HOOK1: variants seen among roughly 807,000 people sequenced by gnomAD.
HOOK1 encodes hook microtubule tethering protein 1.
Under a neutral mutation model 112.8 loss-of-function variants are expected in HOOK1, and 60 were observed. The observed-to-expected ratio is 0.53, with a 90% CI of 0.43 to 0.66. The LOEUF (loss-of-function observed/expected upper bound fraction) is 0.66. Ranked by LOEUF, HOOK1 falls within the 30% of genes least tolerant of loss-of-function variation. The pLI, the probability that HOOK1 is intolerant of heterozygous loss-of-function variation, is 0.00. For synonymous variants in HOOK1, 294 were observed against 283.8 expected, an observed-to-expected ratio of 1.04 and a Z score of -0.36; for missense variants, 770 against 856.0, an observed-to-expected ratio of 0.90 and a Z score of 1.25.
intron 8 of HOOK1, 75 bp from the exon 9 acceptor site, chr1:59,843,357 T>C: frequency 9.5e-7 from 1 of 1,054,282 alleles, no homozygotes; most frequent in Non-Finnish European, 1.4e-6. Context: ...AATCCAGAAC[T>C]CTAGACTCTA....
intron 16 of HOOK1, 41 bp from the exon 17 acceptor site, chr1:59,864,591 C>G (rs1359866565): frequency 7.6e-7 from 1 of 1,318,532 alleles, no homozygotes; most frequent in Admixed American, 1.8e-5. Flanking sequence ...TGACCTTTGT[C>G]AAGATAGTCA....
In HOOK1 at chr1:59,855,966, T is replaced by TATA. The variant is rs1553464155; in HGVS notation, c.1243-2462_1243-2461insATA. 6.9e-3 allele frequency among the ~76,000 whole-genome samples: 490 copies of TATA among 71,086 alleles called. 18 individuals carry two copies. Among genetic ancestry groups the TATA allele is most frequent in the African/African-American group, 0.025 (370 of 14,916 alleles). 46.6% of individuals were successfully genotyped at this position (71,086 alleles called of 152,430 possible). A position where few individuals can be genotyped will look rare whatever the true frequency, so the allele number is the denominator to read the frequency against. On this transcript the variant is annotated intron_variant, in intron 12 of 21. Transcript: ENST00000371208. ...TTTATATATATATATATATAAATTA[T>TATA]TATATATATATATATATATTTTTTT...
chr1:59,836,195 A>G (rs897387172), intron 6 of HOOK1, among the ~76,000 whole-genome samples: 6 of 152,140 alleles, frequency 3.9e-5, no homozygotes, highest in Non-Finnish European at 7.3e-5. Flanking sequence ...GATTAAAGCT[A>G]GTCTAGTTAT....
chr1:59,870,799 A>C (rs999373090), intron 20 of HOOK1: 1 of 375,336 alleles, frequency 2.7e-6, no homozygotes, highest in African/African-American at 2.1e-5. Context: ...ATGTATGTTT[A>C]AATCATTCTC....
At chr1:59,849,283 C>A in intron 12 of HOOK1, 100 bp downstream of exon 12, 1 of 621,886 alleles carries the variant, frequency 1.6e-6, no homozygotes, top group Non-Finnish European at 2.6e-6. Context: ...CCAGTTCTCT[C>A]TTCCTCCAGA....
intron 15 of HOOK1, among the ~76,000 whole-genome samples, chr1:59,861,869 T>C (rs2098413795): frequency 6.6e-6 from 1 of 152,230 alleles, no homozygotes; most frequent in Admixed American, 6.5e-5. Context: ...GTGTATAAGG[T>C]TACATAAACG....
chr1:59,866,026 G>T, intron 19 of HOOK1, 54 bp downstream of exon 19: 1 of 959,560 alleles, frequency 1.0e-6, no homozygotes, highest in Non-Finnish European at 1.6e-6. Flanking sequence ...TTTTAGCAAG[G>T]CTCATTTCAC....
In HOOK1 at chr1:59,867,211, T is replaced by C. The variant is rs181336066; in HGVS notation, c.1846-1039T>C. On this transcript the variant is annotated intron_variant, in intron 19 of 21. Coordinates refer to ENST00000371208, the MANE Select transcript of HOOK1 (RefSeq NM_015888.6). ...GTCCTTGTAGAAAATTCAGAAAATA[T>C]ACAAATCACAACCATTTATCACTTA... Among the ~76,000 whole-genome samples the C allele has an allele frequency of 3.9e-3, 593 of 152,342 alleles. 4 individuals are homozygous for C. The highest frequency in any genetic ancestry group is 7.0e-3 in the Non-Finnish European group (478 of 68,014).
chr1:59,825,960 C>T (rs757918398), intron 2 of HOOK1, among the ~76,000 whole-genome samples: 2 of 152,084 alleles, frequency 1.3e-5, no homozygotes, highest in Non-Finnish European at 2.9e-5. Flanking sequence ...ACTTTATATA[C>T]AACTGTCCAA....
In HOOK1 at chr1:59,848,455, TAGA is replaced by T. The variant is rs2098405368; in HGVS notation, c.1078_1080del (p.Glu360del). 1 of 1,610,604 alleles carries T rather than the reference TAGA, an allele frequency of 6.2e-7. No individual in the cohort carries two copies. Among genetic ancestry groups the T allele is most frequent in the African/African-American group, 1.3e-5 (1 of 74,726 alleles). Reference sequence around the variant, plus strand: ...ATGTATATGCATAATACAGTCAGCTTAGAAGAAGAATTAAAAAAAGCAAATGCA... The same window carrying T: ...ATGTATATGCATAATACAGTCAGCTTAGAAGAATTAAAAAAAGCAAATGCA... On this transcript the variant is annotated inframe_deletion, in exon 11 of 22. Transcript: ENST00000371208.
At chr1:59,825,308 G>C (rs1217032073) in intron 2 of HOOK1, among the ~76,000 whole-genome samples, 2 of 152,128 alleles carry the variant, frequency 1.3e-5, no homozygotes, top group Non-Finnish European at 2.9e-5. Context: ...CAAAAGAAAG[G>C]CTTAGCTTCT....
At chr1:59,859,074 T>C in intron 14 of HOOK1, 29 bp downstream of exon 14, 1 of 1,068,794 alleles carries the variant, frequency 9.4e-7, no homozygotes, top group African/African-American at 1.7e-5. Flanking sequence ...TTGATAGAAT[T>C]ATATTTAATA....
chr1:59,845,680 A>G (rs1222612226), intron 9 of HOOK1, among the ~76,000 whole-genome samples: 4 of 151,412 alleles, frequency 2.6e-5, no homozygotes, highest in African/African-American at 9.7e-5. Flanking sequence ...TAATATATTG[A>G]TTGATTTTTG....
At chr1:59,836,695 A>G (rs1033069773) in intron 6 of HOOK1, among the ~76,000 whole-genome samples, 178 bp from the exon 7 acceptor site, 28 of 152,134 alleles carry the variant, frequency 1.8e-4, no homozygotes, top group Admixed American at 1.8e-3. Context: ...ATATGCTTGA[A>G]TTTGTGTTAT....
intron 4 of HOOK1, 107 bp downstream of exon 4, chr1:59,832,320 A>G: frequency 1.5e-6 from 1 of 670,620 alleles, no homozygotes; most frequent in Non-Finnish European, 2.6e-6. Context: ...CTGGAATGTA[A>G]GTCATAATTA....
intron 1 of HOOK1, among the ~76,000 whole-genome samples, chr1:59,821,593 A>G (rs899820510): frequency 2.9e-4 from 44 of 152,194 alleles, no homozygotes; most frequent in African/African-American, 1.0e-3. Flanking sequence ...ATTCCAAATT[A>G]TGTATTACTT....
At chr1:59,860,721 A>G (rs763043211) in intron 15 of HOOK1, among the ~76,000 whole-genome samples, 19 of 151,616 alleles carry the variant, frequency 1.3e-4, no homozygotes, top group Admixed American at 2.0e-4. Flanking sequence ...AATAGCTGCA[A>G]TTAGAGACAT....
Position 59,843,524 on chromosome 1 carries a change from T to G in HOOK1, c.714T>G (p.Asp238Glu), listed in dbSNP as rs1302907790. Residue 238 changes from aspartate (D) to glutamate (E), a missense_variant, in exon 9 of 22, where the codon GAT becomes GAG. Transcript: ENST00000371208. ...KLDQLDGSFD[D>E]PNTVVAKKYF... is the part of the protein sequence containing the mutation. ...ACCAGTTGGATGGCTCTTTTGATGA[T>G]CCAAACACAGTGGTTGCAAAAAAGT... 3.7e-6 allele frequency: 6 copies of G among 1,610,638 alleles called. No homozygotes were observed. The highest frequency in any genetic ancestry group is 5.1e-6 in the Non-Finnish European group (6 of 1,178,160).
In HOOK1 at chr1:59,849,128, C is replaced by T. The variant is rs779584411; in HGVS notation, c.1187C>T (p.Ala396Val). 8 of 1,609,432 alleles carry T rather than the reference C, an allele frequency of 5.0e-6. No homozygotes were observed. The highest frequency in any genetic ancestry group is 3.3e-4 in the Middle Eastern group (2 of 6,036). Reference sequence around the variant, plus strand: ...GAATCCAAGAGGGCAGACACACTAGCGTTTGAAATGAAGCGGCTTGAAGAA... The same window carrying T: ...GAATCCAAGAGGGCAGACACACTAGTGTTTGAAATGAAGCGGCTTGAAGAA... ...SSESKRADTL[A>V]FEMKRLEEKH... The change falls in exon 12 of 22, where the codon GCG becomes GTG. Residue 396 changes from alanine to valine, a missense_variant. Physicochemically the swap from Ala to Val is moderately conservative, Grantham distance 64 (BLOSUM62 0). This residue lies in a region of HOOK1 where 655 missense variants were observed against 725.9 expected (regional missense o/e 0.90). Coordinates refer to ENST00000371208, the MANE Select transcript of HOOK1 (RefSeq NM_015888.6).
Sources: gnomAD v4.1 joint callset for allele counts (sites outside exome capture counted in the v4.1 genomes callset) on GRCh38, gnomAD v4.1.1 for gene constraint, gnomAD v4.1.1 regional missense constraint, MANE v1.5 for transcripts, NCBI Gene and HGNC (gene_info 2026-07-23, HGNC 2026-07-21) for gene names.